DYNC2H1: variants seen among roughly 807,000 people sequenced by gnomAD.
DYNC2H1 encodes the protein cytoplasmic dynein 2 heavy chain 1.
DYNC2H1 carries 410 observed loss-of-function variants against 570.0 expected under a neutral mutation model. The ratio of observed to expected loss-of-function variants is 0.72; its 90% CI spans 0.66 to 0.78. DYNC2H1 has a LOEUF of 0.78. DYNC2H1 is among the 30% of genes least tolerant of loss of function. The pLI, the probability that DYNC2H1 is intolerant of heterozygous loss-of-function variation, is 0.00. For synonymous variants in DYNC2H1, 1,688 were observed against 1,677.6 expected, an observed-to-expected ratio of 1.01 and a Z score of -0.15; for missense variants, 4,865 against 5,046.4, an observed-to-expected ratio of 0.96 and a Z score of 1.09.
intron 22 of DYNC2H1, among the ~76,000 whole-genome samples, chr11:103,153,749 T>C (rs912086713): frequency 7.9e-5 from 12 of 152,104 alleles, no homozygotes; most frequent in African/African-American, 1.9e-4. Context: ...CTAGAAGTTA[T>C]ATCAGGGTTA....
chr11:103,178,931 T>C (rs539712484), intron 38 of DYNC2H1, 95 bp from the exon 39 acceptor site: 20 of 1,249,302 alleles, frequency 1.6e-5, no homozygotes, highest in Non-Finnish European at 2.2e-5. Flanking sequence ...TAGTACAAAT[T>C]CATATGAAAA....
intron 29 of DYNC2H1, among the ~76,000 whole-genome samples, chr11:103,162,716 T>C (rs1861147795): frequency 1.3e-5 from 2 of 152,182 alleles, no homozygotes; most frequent in Admixed American, 1.3e-4. Context: ...TTTTAAATGC[T>C]CATATTATAT....
At position 103,192,251 on chromosome 11, in the gene DYNC2H1, A is replaced by T; in HGVS notation, c.7695A>T (p.Leu2565Phe). ...AAGGAGATTGGGGCTCAGACATATT[A>T]GACAATATGTCAGGTAAGGTAATAG... ...VFQGDWGSDI[L>F]DNMSDSFYVT... Residue 2565 changes from leucine (L) to phenylalanine (F), a missense_variant, in exon 47 of 89, where the codon TTA (leucine) becomes TTT (phenylalanine). Transcript: ENST00000375735. The T allele has an allele frequency of 1.9e-6, 3 of 1,557,562 alleles. No individual in the cohort carries two copies. Among genetic ancestry groups the T allele is most frequent in the Non-Finnish European group, 2.6e-6 (3 of 1,144,252 alleles).
intron 84 of DYNC2H1, among the ~76,000 whole-genome samples, chr11:103,433,847 C>A (rs1943976046): frequency 6.6e-6 from 1 of 152,078 alleles, no homozygotes; most frequent in South Asian, 2.1e-4. Flanking sequence ...ACTACAGTGA[C>A]AAGTTGCCCG....
rs780556083 is a variant in DYNC2H1 at position 103,256,775 on chromosome 11, G to A, written c.10461+535G>A. Among the ~76,000 whole-genome samples the A allele has an allele frequency of 6.6e-6, 1 of 152,164 alleles. No homozygotes were observed. The highest frequency in any genetic ancestry group is 2.4e-5 in the African/African-American group (1 of 41,512). On this transcript the variant is annotated intron_variant, in intron 68 of 88. Coordinates refer to ENST00000375735, the MANE Select transcript of DYNC2H1 (RefSeq NM_001377.3). The surrounding 1 kb of genome is among the most constrained non-coding windows in gnomAD (Gnocchi z 4.0). ...GTCACCAATCCTATACTCATAGTTC[G>A]AACTTTTCTTCACATCAGAGATAGC...
intron 58 of DYNC2H1, among the ~76,000 whole-genome samples, chr11:103,222,550 TA>T (rs2135155197): frequency 6.6e-6 from 1 of 152,290 alleles, no homozygotes; most frequent in African/African-American, 2.4e-5. Flanking sequence ...TTAGATCCCT[TA>T]ATCAAAATGT....
intron 1 of DYNC2H1, among the ~76,000 whole-genome samples, chr11:103,110,435 A>G (rs1858058850): frequency 6.6e-6 from 1 of 151,670 alleles, no homozygotes; most frequent in African/African-American, 2.4e-5. Context: ...GGCAAATTCT[A>G]GTCTATCTTT....
Position 103,176,382 on chromosome 11 carries a change from C to A in DYNC2H1, c.5822C>A (p.Ala1941Asp). The A allele has an allele frequency of 6.3e-7, 1 of 1,592,206 alleles. No homozygotes were observed. Reference protein sequence around the residue: ...LKEVEYDELSAALKQVFEEAN... With the variant: ...LKEVEYDELSDALKQVFEEAN... The stretch of plus-strand genomic sequence containing the variant: ...GAAGTGGAATATGATGAACTAAGTG[C>A]TGCATTAAAGCAGGTCTTTGAAGAG... Residue 1941 changes from alanine (A) to aspartate (D), a missense_variant, in exon 37 of 89, where the codon GCT becomes GAT. Ala to Asp is a moderately radical substitution (Grantham distance 126). Around this residue, in one of 5 missense-constraint regions of DYNC2H1, gnomAD observed 292 missense variants for 300.2 expected, o/e 0.97. Transcript: ENST00000375735.
At chr11:103,410,259 T>A (rs112452553) in intron 84 of DYNC2H1, among the ~76,000 whole-genome samples, 6 of 152,116 alleles carry the variant, frequency 3.9e-5, no homozygotes, top group African/African-American at 1.4e-4. Flanking sequence ...AACCAAGCAC[T>A]CTACTCTTGG....
rs1250899233 is a variant in DYNC2H1 at position 103,170,367 on chromosome 11, C to G, written c.5151+77C>G. ...TTAGTTTCTATTAGTATATGAAATA[C>G]TCTACTTAAAAATCACTACATTTAA... is the stretch of plus-strand genomic sequence containing the variant. On this transcript the variant is annotated intron_variant, in intron 33 of 88. Coordinates refer to ENST00000375735, the MANE Select transcript of DYNC2H1 (RefSeq NM_001377.3). The surrounding 1 kb of genome is among the most constrained non-coding windows in gnomAD (Gnocchi z 4.8). 10 of 1,310,440 alleles carry G rather than the reference C, an allele frequency of 7.6e-6. No homozygotes were observed. Among genetic ancestry groups the G allele is most frequent in the Non-Finnish European group, 5.1e-6 (5 of 987,578 alleles). 81.2% of individuals were successfully genotyped at this position (1,310,440 alleles called of 1,614,324 possible). A position where few individuals can be genotyped will look rare whatever the true frequency, so the allele number is the denominator to read the frequency against.
chr11:103,188,640 T>C lies in DYNC2H1; in HGVS notation c.7284T>C (p.Cys2428=), dbSNP rs770936919. 1.3e-6 allele frequency: 2 copies of C among 1,599,794 alleles called. No homozygotes were observed. Among genetic ancestry groups the C allele is most frequent in the Middle Eastern group, 1.7e-4 (1 of 5,936 alleles). ...GATTTACTTCCATCGTTCGTCTTTG[T>C]TCTATAGAGTATGTATCTTTGTGTT... ...TTRFTSIVRL[C]SIDYPEREQL... Residue 2428 remains cysteine, a synonymous_variant, in exon 44 of 89, where the codon TGT becomes TGC. Transcript: ENST00000375735.
intron 82 of DYNC2H1, among the ~76,000 whole-genome samples, chr11:103,354,828 A>G (rs1165977032): frequency 6.9e-6 from 1 of 144,160 alleles, no homozygotes; most frequent in Admixed American, 7.0e-5. Context: ...TTTTTCCTCA[A>G]TGTTCTCCAA....
At chr11:103,139,357 A>G (rs1289101798) in intron 17 of DYNC2H1, among the ~76,000 whole-genome samples, 45 of 151,780 alleles carry the variant, frequency 3.0e-4, no homozygotes, top group African/African-American at 9.9e-4. Context: ...ATTTAGTGCT[A>G]TAAATTTCCC....
At chr11:103,272,341 C>T (rs12279526) in intron 70 of DYNC2H1, among the ~76,000 whole-genome samples, 3 of 151,866 alleles carry the variant, frequency 2.0e-5, no homozygotes, top group South Asian at 4.2e-4. Flanking sequence ...CCAAACACTG[C>T]GTGTTCTCAC....
intron 54 of DYNC2H1, 56 bp downstream of exon 54, chr11:103,211,999 G>A (rs1032179924): frequency 3.6e-5 from 49 of 1,360,078 alleles, no homozygotes; most frequent in Admixed American, 6.3e-5. Flanking sequence ...CAAGAGTTTT[G>A]TAAATCACAA....
chr11:103,444,828 A>G (rs867958207), intron 85 of DYNC2H1, among the ~76,000 whole-genome samples: 1 of 152,216 alleles, frequency 6.6e-6, no homozygotes, highest in Non-Finnish European at 1.5e-5. Flanking sequence ...TTGCTTGTTC[A>G]AGGAATGAAA....
At chr11:103,153,556 T>A in intron 22 of DYNC2H1, 48 bp downstream of exon 22, 1 of 1,441,362 alleles carries the variant, frequency 6.9e-7, no homozygotes, top group Non-Finnish European at 9.4e-7. Context: ...AAAAAACAAT[T>A]TATATATCAA....
chr11:103,390,404 A>T (rs915894946), intron 83 of DYNC2H1, among the ~76,000 whole-genome samples: 2 of 150,994 alleles, frequency 1.3e-5, no homozygotes, highest in African/African-American at 2.4e-5. Flanking sequence ...TGCACATGAG[A>T]TGGGTTTCCT....
chr11:103,279,167 CTA>C (rs2135332640), intron 70 of DYNC2H1, among the ~76,000 whole-genome samples: 1 of 152,218 alleles, frequency 6.6e-6, no homozygotes, highest in Admixed American at 6.5e-5. Context: ...CATTTCCATA[CTA>C]TATGTCTGAC....
Sources: gnomAD v4.1 joint callset for allele counts (sites outside exome capture counted in the v4.1 genomes callset) on GRCh38, gnomAD v4.1.1 for gene constraint, gnomAD v4.1.1 regional missense constraint, Gnocchi (gnomAD v3.1) non-coding constraint, MANE v1.5 for transcripts, NCBI Gene and HGNC (gene_info 2026-07-23, HGNC 2026-07-21) for gene names.